Variants in THSD7B observed in about 807,000 individuals in gnomAD.
The protein encoded by THSD7B is thrombospondin type-1 domain-containing protein 7B.
In THSD7B, 138 loss-of-function variants were observed where a neutral mutation model predicts 213.6. The observed-to-expected ratio is 0.65, with a 90% confidence interval of 0.56 to 0.74. THSD7B has a LOEUF of 0.74. Ranked by LOEUF, THSD7B falls within the 30% of genes least tolerant of loss-of-function variation. The probability of loss-of-function intolerance (pLI) is 0.00; values close to 1 mark genes in which losing one functional copy is unlikely to be tolerated. For synonymous variants in THSD7B, 742 were observed against 687.0 expected (o/e 1.08, Z -1.25); for missense variants, 1,931 against 1,991.5 (o/e 0.97, Z 0.58).
At chr2:137,306,609 A>G in intron 12 of THSD7B, among the ~76,000 whole-genome samples, 1 of 152,232 alleles carries the variant, frequency 6.6e-6, no homozygotes, top group Non-Finnish European at 1.5e-5. Context: ...AAAAACTTAC[A>G]TGTATCTTCT....
chr2:137,530,614 G>A (rs1461554722), intron 15 of THSD7B, among the ~76,000 whole-genome samples: 1 of 151,920 alleles, frequency 6.6e-6, no homozygotes, highest in East Asian at 1.9e-4. Context: ...AACTGTGAAG[G>A]GCACACAACT....
chr2:137,493,296 A>C (rs1056870190), intron 15 of THSD7B, among the ~76,000 whole-genome samples: 3 of 152,120 alleles, frequency 2.0e-5, no homozygotes, highest in Non-Finnish European at 4.4e-5. Flanking sequence ...GTTTCTTTAT[A>C]GTTTTAACAA....
At chr2:136,788,285 A>G (rs1681905314) in intron 1 of THSD7B, among the ~76,000 whole-genome samples, 1 of 152,146 alleles carries the variant, frequency 6.6e-6, no homozygotes, top group African/African-American at 2.4e-5. Flanking sequence ...ATGAGAAAGG[A>G]CTTCTTCCAA....
At chr2:137,624,335 G>A (rs7577754) in intron 20 of THSD7B, among the ~76,000 whole-genome samples, 42,179 of 152,138 alleles carry the variant, frequency 0.28, 6,197 homozygotes, top group African/African-American at 0.34. Context: ...ATTCAAGATG[G>A]ATTAAAGACT....
chr2:136,960,212 C>G (rs1685192785), intron 2 of THSD7B, among the ~76,000 whole-genome samples: 1 of 152,136 alleles, frequency 6.6e-6, no homozygotes, highest in Admixed American at 6.5e-5. Context: ...ACTGTGGCCT[C>G]CACCTCCCAG....
chr2:136,942,363 G>GT (rs901100925), intron 2 of THSD7B, among the ~76,000 whole-genome samples: 38 of 151,702 alleles, frequency 2.5e-4, no homozygotes, highest in African/African-American at 5.8e-4. Context: ...CTTTAAAGCA[G>GT]TTTTTTTTTC....
intron 12 of THSD7B, among the ~76,000 whole-genome samples, chr2:137,303,093 C>G (rs889646818): frequency 7.9e-5 from 12 of 152,204 alleles, no homozygotes; most frequent in Non-Finnish European, 1.5e-5. Context: ...ACCTCAAACT[C>G]CTGGGCTCAA....
At chr2:137,224,120 C>G in intron 7 of THSD7B, among the ~76,000 whole-genome samples, 1 of 152,208 alleles carries the variant, frequency 6.6e-6, no homozygotes, top group Non-Finnish European at 1.5e-5. Flanking sequence ...GATTTTTGCT[C>G]GATTTGTTGT....
At chr2:136,849,284 C>T (rs747139812) in intron 1 of THSD7B, among the ~76,000 whole-genome samples, 39 of 152,056 alleles carry the variant, frequency 2.6e-4, no homozygotes, top group Non-Finnish European at 5.4e-4. Flanking sequence ...TATACTCTGC[C>T]AGTAAAGTAA....
chr2:137,179,558 G>A (rs1680416070), intron 7 of THSD7B, among the ~76,000 whole-genome samples: 1 of 151,254 alleles, frequency 6.6e-6, no homozygotes, highest in Non-Finnish European at 1.5e-5. Flanking sequence ...ATGTGTTCAG[G>A]AAATATAGTG....
At chr2:137,639,350 G>C (rs1682894719) in intron 20 of THSD7B, among the ~76,000 whole-genome samples, 2 of 152,184 alleles carry the variant, frequency 1.3e-5, no homozygotes. Context: ...TGAGGTTTGG[G>C]AACCTCTGCC....
chr2:137,327,948 T>A (rs772530943), intron 12 of THSD7B, among the ~76,000 whole-genome samples: 22 of 152,324 alleles, frequency 1.4e-4, no homozygotes, highest in Middle Eastern at 3.4e-3. Context: ...TTGACATTTT[T>A]TTCGCAGCTG....
At chr2:137,599,724 G>C (rs879496668) in intron 17 of THSD7B, among the ~76,000 whole-genome samples, 1 of 152,132 alleles carries the variant, frequency 6.6e-6, no homozygotes, top group African/African-American at 2.4e-5. Flanking sequence ...CTCCCTTCTT[G>C]TATGATATCG....
chr2:136,940,028 A>C (rs479653), intron 2 of THSD7B, among the ~76,000 whole-genome samples: 149,987 of 152,244 alleles, frequency 0.99, 73,929 homozygotes, highest in East Asian at 1. Context: ...TAAATAGGAT[A>C]TGTGAAACTA....
chr2:137,479,343 C>G (rs919830416), intron 15 of THSD7B: 2 of 206,458 alleles, frequency 9.7e-6, no homozygotes, highest in African/African-American at 4.7e-5. Context: ...CCAGGTAATT[C>G]CCAGGCTCCC....
chr2:137,221,064 T>A (rs965302517), intron 7 of THSD7B, among the ~76,000 whole-genome samples: 1 of 151,724 alleles, frequency 6.6e-6, no homozygotes. Context: ...ACTTTGGGAG[T>A]CCGAGGCGGG....
chr2:137,302,687 T>C (rs1179743387), intron 12 of THSD7B, among the ~76,000 whole-genome samples: 1 of 152,120 alleles, frequency 6.6e-6, no homozygotes, highest in African/African-American at 2.4e-5. Flanking sequence ...TTGTTTCTAA[T>C]ATTGAAATAT....
At chr2:136,859,908 T>A (rs1276934414) in intron 1 of THSD7B, among the ~76,000 whole-genome samples, 1 of 151,946 alleles carries the variant, frequency 6.6e-6, no homozygotes, top group Non-Finnish European at 1.5e-5. Context: ...TATCAGTGGA[T>A]GATGAGAGAA....
At chr2:137,375,025 T>G (rs1448814921) in intron 12 of THSD7B, among the ~76,000 whole-genome samples, 1 of 152,214 alleles carries the variant, frequency 6.6e-6, no homozygotes, top group African/African-American at 2.4e-5. Context: ...CTATGAAGAC[T>G]TGAAGCAAAT....
Sources: allele counts gnomAD v4.1 joint callset (sites outside exome capture counted in the v4.1 genomes callset), GRCh38; gene constraint gnomAD v4.1.1; transcripts MANE v1.5; gene names NCBI Gene and HGNC (gene_info 2026-07-23, HGNC 2026-07-21).